Variants in MET observed in about 807,000 individuals in gnomAD.
MET encodes hepatocyte growth factor receptor.
In MET, 48 loss-of-function variants were observed where a neutral mutation model predicts 133.1. The ratio of observed to expected loss-of-function variants is 0.36; its 90% CI spans 0.29 to 0.46. The LOEUF (loss-of-function observed/expected upper bound fraction) is 0.46, where lower values mean the gene tolerates loss of function less well. MET is among the 20% of genes least tolerant of loss of function. The pLI is 1.00. For missense variants in MET, 1,442 were observed against 1,695.9 expected (o/e 0.85, Z 2.63); for synonymous variants, 628 against 616.5 (o/e 1.02, Z -0.28).
At chr7:116,777,309 A>G in intron 15 of MET, 80 bp from the exon 16 acceptor site, 3 of 1,156,862 alleles carry the variant, frequency 2.6e-6, no homozygotes, top group South Asian at 1.2e-5. Context: ...GAATAAAATG[A>G]AGCTCATAAA....
intron 14 of MET, 81 bp from the exon 15 acceptor site, chr7:116,774,800 A>G (rs1371492877): frequency 1.9e-6 from 2 of 1,053,534 alleles, no homozygotes; most frequent in African/African-American, 1.6e-5. Context: ...AACTAATTCC[A>G]TTATAAAAGC....
intron 11 of MET, among the ~76,000 whole-genome samples, chr7:116,767,392 G>A (rs1017275256): frequency 5.9e-5 from 9 of 152,114 alleles, no homozygotes; most frequent in Non-Finnish European, 1.2e-4. Context: ...TGCAGTGAGA[G>A]GAAGAAATCC....
chr7:116,779,972 A>G (rs1012579923), intron 17 of MET, among the ~76,000 whole-genome samples: 4 of 152,230 alleles, frequency 2.6e-5, no homozygotes, highest in Non-Finnish European at 5.9e-5. Context: ...GTATGCATAT[A>G]TATGTACACA....
intron 5 of MET, among the ~76,000 whole-genome samples, chr7:116,754,951 G>GAA (rs1169306917): frequency 1.8e-4 from 20 of 110,508 alleles, no homozygotes; most frequent in African/African-American, 3.7e-4. Flanking sequence ...AAGAAAGAAA[G>GAA]AGAAAGAAAG....
In MET at chr7:116,778,962, G is replaced by T; in HGVS notation, c.3522+5G>T. ...TTCATTCGAAATGAGACTCATGTAA[G>T]TTGACTGCCAAGCTTACTAACTGGC... On this transcript the variant is annotated splice_donor_5th_base_variant and intron_variant, in intron 17 of 20. Coordinates refer to ENST00000397752, the MANE Select transcript of MET (RefSeq NM_000245.4). 1 of 1,613,576 alleles carries T rather than the reference G, an allele frequency of 6.2e-7. No individual in the cohort carries two copies. The highest frequency in any genetic ancestry group is 1.1e-5 in the South Asian group (1 of 91,048).
At chr7:116,694,250 C>T (rs1402247015) in intron 1 of MET, among the ~76,000 whole-genome samples, 1 of 152,118 alleles carries the variant, frequency 6.6e-6, no homozygotes, top group Admixed American at 6.5e-5. Context: ...GGAAATGGGG[C>T]GTTTTTGGTG....
Position 116,769,630 on chromosome 7 carries a change from T to C in MET, c.2584-15T>C. The C allele has an allele frequency of 6.2e-7, 1 of 1,612,918 alleles. No individual in the cohort carries two copies. Among genetic ancestry groups the C allele is most frequent in the East Asian group, 2.2e-5 (1 of 44,846 alleles). On this transcript the variant is annotated splice_polypyrimidine_tract_variant and intron_variant, in intron 11 of 20. Coordinates refer to ENST00000397752, the MANE Select transcript of MET (RefSeq NM_000245.4). ...GTGAAGTGTTAACAACCTTTTTTTT[T>C]TTTTTTCCTTTCAGGGAAATGATAT... is the stretch of plus-strand genomic sequence containing the variant.
chr7:116,735,779 C>CTTTTTTTTTTT (rs34534013), intron 3 of MET, among the ~76,000 whole-genome samples: 1 of 129,834 alleles, frequency 7.7e-6, no homozygotes, highest in Non-Finnish European at 1.6e-5. Context: ...TTAGCTTTGG[C>CTTTTTTTTTTT]TTTTTTTTTT....
chr7:116,739,446 C>T (rs1292243824), intron 3 of MET, among the ~76,000 whole-genome samples: 1 of 152,088 alleles, frequency 6.6e-6, no homozygotes. Context: ...CCTGTTTTGA[C>T]CTGAAAAGAT....
At chr7:116,746,991 T>C (rs1189518657) in intron 5 of MET, among the ~76,000 whole-genome samples, 3 of 152,178 alleles carry the variant, frequency 2.0e-5, no homozygotes, top group Non-Finnish European at 4.4e-5. Flanking sequence ...ATATTCAACA[T>C]TCTTAAAGAA....
chr7:116,702,531 G>C (rs1174841180), intron 2 of MET, among the ~76,000 whole-genome samples: 1 of 152,102 alleles, frequency 6.6e-6, no homozygotes, highest in East Asian at 1.9e-4. Flanking sequence ...CAAGATCAAA[G>C]CTGTTTAGCA....
Position 116,796,764 on chromosome 7 carries a change from G to A in MET, c.*640G>A, listed in dbSNP as rs191068881. The stretch of plus-strand genomic sequence containing the variant: ...CTCCCGAATAGCTGGGACTACAGGC[G>A]CACACCACCATCCCCGGCTAATTTT... On this transcript the variant is annotated 3_prime_UTR_variant, in exon 21 of 21. Coordinates refer to ENST00000397752, the MANE Select transcript of MET (RefSeq NM_000245.4). The A allele has an allele frequency of 1.7e-4, 33 of 193,264 alleles. No individual in the cohort carries two copies. The highest frequency in any genetic ancestry group is 7.0e-4 in the African/African-American group (30 of 42,994). 12.0% of individuals were successfully genotyped at this position (193,264 alleles called of 1,614,324 possible).
At chr7:116,739,295 C>T (rs973740914) in intron 3 of MET, among the ~76,000 whole-genome samples, 1 of 152,214 alleles carries the variant, frequency 6.6e-6, no homozygotes, top group African/African-American at 2.4e-5. Context: ...CATCAAACCT[C>T]ATTTCCCGGG....
chr7:116,743,454 A>C (rs1017426391), intron 5 of MET, among the ~76,000 whole-genome samples: 3 of 152,152 alleles, frequency 2.0e-5, no homozygotes, highest in Non-Finnish European at 4.4e-5. Context: ...CCCCTACAGA[A>C]CCCAGCAAGC....
intron 2 of MET, among the ~76,000 whole-genome samples, chr7:116,716,026 G>A (rs116190704): frequency 0.03 from 4,576 of 152,128 alleles, 231 homozygotes; most frequent in African/African-American, 0.1. Flanking sequence ...CGAGGTGGAA[G>A]GATTGCTAGA....
chr7:116,750,455 G>T (rs541734329), intron 5 of MET, among the ~76,000 whole-genome samples: 12 of 152,128 alleles, frequency 7.9e-5, no homozygotes, highest in Non-Finnish European at 1.8e-4. Context: ...AGACTTAAAC[G>T]CAAGACCTAA....
At chr7:116,720,207 T>C (rs1792425205) in intron 2 of MET, among the ~76,000 whole-genome samples, 1 of 148,034 alleles carries the variant, frequency 6.8e-6, no homozygotes, top group Non-Finnish European at 1.5e-5. Flanking sequence ...TCACATCCCT[T>C]GTAAGTTGGA....
At chr7:116,782,302 A>T (rs527686191) in intron 18 of MET, among the ~76,000 whole-genome samples, 1 of 152,260 alleles carries the variant, frequency 6.6e-6, no homozygotes, top group African/African-American at 2.4e-5. Flanking sequence ...AGGATTCTCC[A>T]TAGGGGGTCT....
intron 14 of MET, among the ~76,000 whole-genome samples, chr7:116,772,300 AAG>A (rs1432834620): frequency 2.0e-5 from 3 of 152,208 alleles, no homozygotes; most frequent in African/African-American, 4.8e-5. Flanking sequence ...ACAATCCAGG[AAG>A]AGTTAAGTTA....
Sources: gnomAD v4.1 joint callset for allele counts (sites outside exome capture counted in the v4.1 genomes callset) on GRCh38, gnomAD v4.1.1 for gene constraint, MANE v1.5 for transcripts, NCBI Gene and HGNC (gene_info 2026-07-23, HGNC 2026-07-21) for gene names.